The following RAD18 variants were observed in gnomAD, a reference collection of about 807,000 sequenced individuals.
The protein encoded by RAD18 is RAD18 E3 ubiquitin protein ligase.
RAD18 carries 47 observed loss-of-function variants against 60.4 expected under a neutral mutation model. The observed-to-expected ratio is 0.78, with a 90% CI of 0.62 to 0.99. RAD18 has a LOEUF of 0.99. Ranked by LOEUF, RAD18 falls within the 50% of genes least tolerant of loss-of-function variation. The probability of loss-of-function intolerance (pLI) is 0.00; values close to 1 mark genes in which losing one functional copy is unlikely to be tolerated. For synonymous variants in RAD18, 225 were observed against 195.5 expected, an observed-to-expected ratio of 1.15 and a Z score of -1.26; for missense variants, 640 against 593.3, an observed-to-expected ratio of 1.08 and a Z score of -0.82.
chr3:8,953,122 T>C (rs1940953071), intron 2 of RAD18, among the ~76,000 whole-genome samples: 1 of 150,954 alleles, frequency 6.6e-6, no homozygotes, highest in South Asian at 2.1e-4. Context: ...TTGTTTATAA[T>C]AAATATATAC....
At chr3:8,896,767 C>T (rs1222761379) in intron 11 of RAD18, among the ~76,000 whole-genome samples, 2 of 152,184 alleles carry the variant, frequency 1.3e-5, no homozygotes, top group Non-Finnish European at 2.9e-5. Context: ...GTGGCTGAAA[C>T]CCATGGCGGC....
chr3:8,880,012 T>A lies in RAD18; in HGVS notation c.*1345A>T, dbSNP rs1231454137. Reference sequence around the variant, plus strand: ...CTCCTATTTTGTTTGACATGCTCACTTACCTCACATCAGTTCTGCCGATAG... The same window carrying A: ...CTCCTATTTTGTTTGACATGCTCACATACCTCACATCAGTTCTGCCGATAG... On this transcript the variant is annotated 3_prime_UTR_variant, in exon 13 of 13. Transcript: ENST00000264926. 2.0e-5 allele frequency: 3 copies of A among 152,258 alleles called. No individual in the cohort carries two copies. The highest frequency in any genetic ancestry group is 7.2e-5 in the African/African-American group (3 of 41,468). 9.4% of individuals were successfully genotyped at this position (152,258 alleles called of 1,614,324 possible). A position where few individuals can be genotyped will look rare whatever the true frequency, so the allele number is the denominator to read the frequency against.
In RAD18 at chr3:8,880,423, A is replaced by T. The variant is rs1002561423; in HGVS notation, c.*934T>A. 1.3e-5 allele frequency: 2 copies of T among 152,248 alleles called. No individual in the cohort carries two copies. Among genetic ancestry groups the T allele is most frequent in the African/African-American group, 4.8e-5 (2 of 41,452 alleles). The allele number at this position is 152,248 out of a possible 1,614,324, so 9.4% of individuals were successfully genotyped here. ...GGGGATGCTGGCTCTGAAATGCCAGAGAGGCATTAAGAACTCTGGAAGCAT... is the reference window on the plus strand; with the variant it reads ...GGGGATGCTGGCTCTGAAATGCCAGTGAGGCATTAAGAACTCTGGAAGCAT... On this transcript the variant is annotated 3_prime_UTR_variant, in exon 13 of 13. Coordinates refer to ENST00000264926, the MANE Select transcript of RAD18 (RefSeq NM_020165.4).
intron 7 of RAD18, among the ~76,000 whole-genome samples, chr3:8,921,351 A>C (rs1356014137): frequency 1.3e-5 from 2 of 152,202 alleles, no homozygotes; most frequent in African/African-American, 4.8e-5. Context: ...GCACATCTGC[A>C]CTACAAGAAA....
intron 7 of RAD18, among the ~76,000 whole-genome samples, chr3:8,914,765 G>A (rs992054066): frequency 6.6e-6 from 1 of 152,084 alleles, no homozygotes; most frequent in Non-Finnish European, 1.5e-5. Flanking sequence ...AAAACACAGG[G>A]ACCATTTGCA....
At chr3:8,941,298 G>C (rs1490913386) in intron 5 of RAD18, among the ~76,000 whole-genome samples, 169 bp downstream of exon 5, 3 of 152,202 alleles carry the variant, frequency 2.0e-5, no homozygotes, top group African/African-American at 7.2e-5. Context: ...TCCTGTTTCT[G>C]AGAGAGAAAG....
chr3:8,921,183 T>C (rs777708258), intron 7 of RAD18, among the ~76,000 whole-genome samples: 1 of 152,060 alleles, frequency 6.6e-6, no homozygotes, highest in Non-Finnish European at 1.5e-5. Flanking sequence ...TGAGGCAAAA[T>C]GCTAACAATA....
In RAD18 at chr3:8,881,453, A is replaced by G; in HGVS notation, c.1392T>C (p.Asp464=). The change falls in exon 13 of 13, where the codon GAT becomes GAC. Residue 464 remains aspartate, a synonymous_variant. Transcript: ENST00000264926. ...EEAWEASHKN[D]LQDTEISPRQ... ...TTGGACTTATTTCTGTGTCTTGAAG[A>G]TCGTTTCTGAAGACAGAAAAAGGAA... 1 of 1,603,940 alleles carries G rather than the reference A, an allele frequency of 6.2e-7. No homozygotes were observed. Among genetic ancestry groups the G allele is most frequent in the Non-Finnish European group, 8.5e-7 (1 of 1,171,106 alleles).
intron 2 of RAD18, among the ~76,000 whole-genome samples, chr3:8,954,470 G>A (rs11709366): frequency 0.16 from 24,217 of 152,064 alleles, 2,327 homozygotes; most frequent in African/African-American, 0.26. Context: ...TTGGCACTTG[G>A]GCATATTAGT....
At chr3:8,943,359 AAGAT>A (rs1218907447) in intron 4 of RAD18, among the ~76,000 whole-genome samples, 1 of 152,126 alleles carries the variant, frequency 6.6e-6, no homozygotes, top group East Asian at 1.9e-4. Context: ...AAGGGATAAA[AAGAT>A]AGTGTATTAT....
At position 8,952,006 on chromosome 3, in the gene RAD18, A is replaced by G. The variant is rs559250246; in HGVS notation, c.134-3436T>C. On this transcript the variant is annotated intron_variant, in intron 2 of 12. Transcript: ENST00000264926. ...ACACTAATCCCATCACTAGGGCTCCACTGTCAGGACCTAATTTAAACCTAA... is the reference window on the plus strand; with the variant it reads ...ACACTAATCCCATCACTAGGGCTCCGCTGTCAGGACCTAATTTAAACCTAA... Among the ~76,000 whole-genome samples the G allele has an allele frequency of 1.4e-4, 21 of 152,304 alleles. No individual in the cohort carries two copies. The South Asian group carries it at 4.4e-3, about 32-fold the overall frequency.
intron 11 of RAD18, among the ~76,000 whole-genome samples, chr3:8,892,705 T>G (rs958192389): frequency 2.0e-5 from 3 of 152,212 alleles, no homozygotes; most frequent in African/African-American, 7.2e-5. Flanking sequence ...CTTCGCATAT[T>G]CCTTTTGTAG....
intron 12 of RAD18, among the ~76,000 whole-genome samples, chr3:8,884,093 C>T (rs1012506820): frequency 6.6e-6 from 1 of 152,166 alleles, no homozygotes; most frequent in African/African-American, 2.4e-5. Context: ...TAAAGGGGCT[C>T]CAACCCCGCT....
intron 2 of RAD18, among the ~76,000 whole-genome samples, chr3:8,953,242 A>G (rs942227121): frequency 1.3e-5 from 2 of 150,710 alleles, no homozygotes; most frequent in African/African-American, 2.4e-5. Flanking sequence ...AATTGTACCT[A>G]TATAAGTATA....
chr3:8,951,351 G>A (rs1186738116), intron 2 of RAD18, among the ~76,000 whole-genome samples: 1 of 152,120 alleles, frequency 6.6e-6, no homozygotes, highest in Admixed American at 6.5e-5. Flanking sequence ...TTAGTGTTGA[G>A]AGAAAATCAT....
intron 4 of RAD18, among the ~76,000 whole-genome samples, chr3:8,942,943 G>C (rs1276697161): frequency 6.6e-6 from 1 of 152,218 alleles, no homozygotes; most frequent in Non-Finnish European, 1.5e-5. Flanking sequence ...CCAAAGCTGA[G>C]AAATCTTGGT....
chr3:8,943,771 C>T (rs1304381323), intron 4 of RAD18, among the ~76,000 whole-genome samples: 1 of 152,076 alleles, frequency 6.6e-6, no homozygotes, highest in Non-Finnish European at 1.5e-5. Context: ...TAAATAACCC[C>T]GCATGTCAAA....
rs1044951541 is a variant in RAD18, at chr3:8,877,470, C to T, written c.*3887G>A. 5 of 152,338 alleles carry T rather than the reference C, an allele frequency of 3.3e-5. No homozygotes were observed. Among genetic ancestry groups the T allele is most frequent in the Non-Finnish European group, 7.3e-5 (5 of 68,038 alleles). The allele number at this position is 152,338 out of a possible 1,614,324, so 9.4% of individuals were successfully genotyped here. On this transcript the variant is annotated 3_prime_UTR_variant, in exon 13 of 13. Transcript: ENST00000264926. Reference sequence around the variant, plus strand: ...TAATCACATCCTAAAGTTCCCACCTCTTGTTAAGTTTCAACACATGAATTT... The same window carrying T: ...TAATCACATCCTAAAGTTCCCACCTTTTGTTAAGTTTCAACACATGAATTT...
chr3:8,896,232 T>C (rs1383026008), intron 11 of RAD18, among the ~76,000 whole-genome samples: 1 of 152,248 alleles, frequency 6.6e-6, no homozygotes, highest in Non-Finnish European at 1.5e-5. Flanking sequence ...TGATAATTTT[T>C]AACTTTAAAA....
Sources: allele counts gnomAD v4.1 joint callset (sites outside exome capture counted in the v4.1 genomes callset), GRCh38; gene constraint gnomAD v4.1.1; transcripts MANE v1.5; gene names NCBI Gene and HGNC (gene_info 2026-07-23, HGNC 2026-07-21).